The following SASH1 variants were observed in gnomAD, a reference collection of about 807,000 sequenced individuals.
SASH1 encodes SAM and SH3 domain-containing protein 1.
Under a neutral mutation model 125.2 loss-of-function variants are expected in SASH1, and 44 were observed. The observed-to-expected ratio is 0.35, with a 90% CI of 0.28 to 0.45. The LOEUF is 0.45. Among genes scored for constraint, SASH1 ranks in the 20% least tolerant of loss-of-function variants. The pLI is 1.00. For missense variants in SASH1, 1,426 were observed against 1,614.5 expected (o/e 0.88, Z 2.00); for synonymous variants, 639 against 649.1 (o/e 0.98, Z 0.24).
chr6:148,495,919 T>TCCA lies in SASH1; in HGVS notation c.729+8207_729+8209dup, dbSNP rs1273294754. Among the ~76,000 whole-genome samples the TCCA allele has an allele frequency of 6.6e-6, 1 of 152,240 alleles. No individual in the cohort carries two copies. Among genetic ancestry groups the TCCA allele is most frequent in the East Asian group, 1.9e-4 (1 of 5,180 alleles). On this transcript the variant is annotated intron_variant, in intron 8 of 19. Transcript: ENST00000367467. This position sits in a 1 kb window ranked among gnomAD's most constrained non-coding sequence, Gnocchi z 4.0. ...GGCACGATCTCGGCCCTCTGCAACC[T>TCCA]CCACCTCCTGGGTTCACGCGATTCT...
In SASH1 at chr6:148,519,550, G is replaced by A; in HGVS notation, c.866G>A (p.Gly289Glu). The A allele has an allele frequency of 6.2e-7, 1 of 1,611,720 alleles. No individual in the cohort carries two copies. The highest frequency in any genetic ancestry group is 1.1e-5 in the South Asian group (1 of 90,986). Reference sequence around the variant, plus strand: ...GACTCTGTTGGTTTCCCTCCAGGTGGGGAGGAGCACGTGTTTGAGAATTCG... The same window carrying A: ...GACTCTGTTGGTTTCCCTCCAGGTGAGGAGGAGCACGTGTTTGAGAATTCG... Reference protein sequence around the residue: ...EEMKKPSTEGGEEHVFENSPV... With the variant: ...EEMKKPSTEGEEEHVFENSPV... The change falls in exon 10 of 20, where the codon GGG (glycine) becomes GAG (glutamate). Residue 289 changes from glycine to glutamate, a missense_variant. Transcript: ENST00000367467. This position sits in a 1 kb window ranked among gnomAD's most constrained non-coding sequence, Gnocchi z 4.8.
intron 16 of SASH1, among the ~76,000 whole-genome samples, chr6:148,537,560 CAT>C (rs35017231): frequency 0.071 from 10,826 of 152,196 alleles, 519 homozygotes; most frequent in Non-Finnish European, 0.1. Context: ...AACAAACAAA[CAT>C]ATGCATGCAC....
chr6:148,239,121 T>G, the SASH1 span, among the ~76,000 whole-genome samples: 18 of 152,266 alleles, frequency 1.2e-4, no homozygotes, highest in South Asian at 3.5e-3. Flanking sequence ...CTTCTGAACT[T>G]ATTTGAGGTA....
At chr6:148,450,855 A>G (rs1452435225) in intron 4 of SASH1, among the ~76,000 whole-genome samples, 9 of 152,166 alleles carry the variant, frequency 5.9e-5, no homozygotes, top group Non-Finnish European at 1.3e-4. Context: ...TCTGGGTTCA[A>G]ATCCAGGTTG....
At chr6:148,510,162 T>C (rs1780036314) in intron 8 of SASH1, among the ~76,000 whole-genome samples, 2 of 152,234 alleles carry the variant, frequency 1.3e-5, no homozygotes. Flanking sequence ...ACAGAATTAC[T>C]ACATATAGCA....
At chr6:148,376,166 A>C (rs2114765294) in intron 1 of SASH1, among the ~76,000 whole-genome samples, 1 of 152,258 alleles carries the variant, frequency 6.6e-6, no homozygotes, top group South Asian at 2.1e-4. Context: ...TTCTGGATTC[A>C]AGCAATCCTC....
chr6:148,414,280 CTT>C (rs1784737754), intron 2 of SASH1, among the ~76,000 whole-genome samples: 1 of 152,016 alleles, frequency 6.6e-6, no homozygotes, highest in Non-Finnish European at 1.5e-5. Flanking sequence ...CATGTGGACA[CTT>C]TTGTGGATGC....
chr6:148,281,779 C>T (rs973482346), intron 1 of SASH1, among the ~76,000 whole-genome samples: 4 of 151,790 alleles, frequency 2.6e-5, no homozygotes, highest in Non-Finnish European at 2.9e-5. Flanking sequence ...AAAAATTAGT[C>T]GGGCGTGGTG....
intron 1 of SASH1, among the ~76,000 whole-genome samples, chr6:148,345,662 A>G (rs1781497157): frequency 6.6e-6 from 1 of 152,202 alleles, no homozygotes; most frequent in Non-Finnish European, 1.5e-5. Flanking sequence ...TCAAGACACA[A>G]AATTAACAGT....
At chr6:148,490,256 T>C (rs911748455) in intron 8 of SASH1, among the ~76,000 whole-genome samples, 7 of 151,962 alleles carry the variant, frequency 4.6e-5, no homozygotes, top group African/African-American at 1.7e-4. Context: ...TCACCCAGGC[T>C]GGAGTACAGT....
chr6:148,348,986 C>CCT (rs1205073933), intron 1 of SASH1, among the ~76,000 whole-genome samples: 2 of 152,106 alleles, frequency 1.3e-5, no homozygotes, highest in African/African-American at 4.8e-5. Flanking sequence ...ACCAGACATA[C>CCT]CTTTGGATTT....
intron 1 of SASH1, among the ~76,000 whole-genome samples, chr6:148,388,848 G>A (rs1281347385): frequency 1.3e-5 from 2 of 152,080 alleles, no homozygotes; most frequent in African/African-American, 4.8e-5. Flanking sequence ...CTAGCAGTCT[G>A]TAAAATGGAA....
chr6:148,215,332 C>G, the SASH1 span, among the ~76,000 whole-genome samples: 1 of 152,156 alleles, frequency 6.6e-6, no homozygotes, highest in Non-Finnish European at 1.5e-5. Context: ...TTAGTTTGGC[C>G]AAAGTGTGCA....
intron 2 of SASH1, among the ~76,000 whole-genome samples, chr6:148,394,556 T>G (rs1313153968): frequency 6.6e-6 from 1 of 152,240 alleles, no homozygotes; most frequent in Non-Finnish European, 1.5e-5. Flanking sequence ...CCTTCCCTGC[T>G]GGCTGCTTGG....
chr6:148,234,452 C>A, the SASH1 span, among the ~76,000 whole-genome samples: 1 of 151,986 alleles, frequency 6.6e-6, no homozygotes, highest in African/African-American at 2.4e-5. Flanking sequence ...GCATCTAGGG[C>A]TTGGCAGGAT....
chr6:148,299,467 G>T lies in SASH1; in HGVS notation n.74+27090G>T, dbSNP rs909335482. 3.9e-5 allele frequency among the ~76,000 whole-genome samples: 6 copies of T among 152,058 alleles called. No individual in the cohort carries two copies. In the East Asian group the frequency reaches 1.2e-3, roughly 29 times the overall value. ...GGATCACTTGTGGTCAGGAGTTTGAGACCAGCCTGGCCAACATGGTAAAAC... is the reference window on the plus strand; with the variant it reads ...GGATCACTTGTGGTCAGGAGTTTGATACCAGCCTGGCCAACATGGTAAAAC... On this transcript the variant is annotated intron_variant and non_coding_transcript_variant, in intron 1 of 3. Transcript: ENST00000367469.
chr6:148,325,261 T>TTGTTGTTGTTGTTGTTGTTG (rs147161125), intron 1 of SASH1, among the ~76,000 whole-genome samples: 3,026 of 149,980 alleles, frequency 0.02, 43 homozygotes, highest in South Asian at 0.026. Context: ...AAAAGCCTCT[T>TTGTTGTTGTTGTTGTTGTTG]TTGTTGTTGT....
chr6:148,466,391 G>T (rs1777839040), intron 4 of SASH1, among the ~76,000 whole-genome samples: 1 of 152,212 alleles, frequency 6.6e-6, no homozygotes, highest in African/African-American at 2.4e-5. Flanking sequence ...ACTCAGAAAT[G>T]GCACCCAGTG....
intron 1 of SASH1, among the ~76,000 whole-genome samples, chr6:148,314,816 C>G (rs4895748): frequency 0.81 from 121,224 of 149,736 alleles, 49,140 homozygotes; most frequent in East Asian, 0.92. Context: ...GAGTGCAGTG[C>G]CGCGATCTTG....
Sources: allele counts gnomAD v4.1 joint callset (sites outside exome capture counted in the v4.1 genomes callset), GRCh38; gene constraint gnomAD v4.1.1; non-coding constraint Gnocchi (gnomAD v3.1); transcripts MANE v1.5; gene names NCBI Gene and HGNC (gene_info 2026-07-23, HGNC 2026-07-21).